NPEPPS: variants seen among roughly 807,000 people sequenced by gnomAD.
NPEPPS encodes the protein aminopeptidase puromycin sensitive, also known as puromycin-sensitive aminopeptidase.
NPEPPS carries 14 observed loss-of-function variants against 115.5 expected under a neutral mutation model. That is an observed-to-expected ratio of 0.12 (90% confidence interval 0.08 to 0.19). NPEPPS has a LOEUF of 0.19. Among genes scored for constraint, NPEPPS ranks in the 10% least tolerant of loss-of-function variants. The probability of loss-of-function intolerance (pLI) is 1.00; values close to 1 mark genes in which losing one functional copy is unlikely to be tolerated. For missense variants in NPEPPS, 523 were observed against 1,110.8 expected (o/e 0.47, Z 7.52); for synonymous variants, 285 against 390.6 (o/e 0.73, Z 3.19).
chr17:47,539,369 A>G (rs1908587907), intron 1 of NPEPPS, among the ~76,000 whole-genome samples: 2 of 152,182 alleles, frequency 1.3e-5, no homozygotes, highest in South Asian at 2.1e-4. Context: ...TGAACACCAT[A>G]CAAGTATGTG....
chr17:47,559,674 G>C (rs1266698243), intron 2 of NPEPPS: 4 of 455,104 alleles, frequency 8.8e-6, no homozygotes, highest in African/African-American at 6.0e-5. Flanking sequence ...TTTTCTTCTT[G>C]TTCATCTTTC....
intron 2 of NPEPPS, among the ~76,000 whole-genome samples, chr17:47,547,820 A>G (rs1183830539): frequency 6.6e-6 from 1 of 152,072 alleles, no homozygotes; most frequent in Non-Finnish European, 1.5e-5. Flanking sequence ...AGGTCAGGAG[A>G]TCGAGACCAT....
chr17:47,615,681 A>AT (rs1265013708), intron 19 of NPEPPS, among the ~76,000 whole-genome samples: 1 of 152,270 alleles, frequency 6.6e-6, no homozygotes, highest in East Asian at 1.9e-4. Context: ...GGGATATTTG[A>AT]TTTTTTTCCA....
At chr17:47,536,462 G>A (rs112207728) in intron 1 of NPEPPS, among the ~76,000 whole-genome samples, 1,780 of 144,394 alleles carry the variant, frequency 0.012, 16 homozygotes, top group Non-Finnish European at 0.02. Flanking sequence ...GCATGATCTC[G>A]GCTCACCGCA....
intron 2 of NPEPPS, among the ~76,000 whole-genome samples, chr17:47,556,073 C>CTTTT (rs747406184): frequency 5.0e-5 from 4 of 80,730 alleles, no homozygotes; most frequent in Admixed American, 1.3e-4. Context: ...AAGCAATTCT[C>CTTTT]TTTTTTTTTT....
intron 1 of NPEPPS, among the ~76,000 whole-genome samples, chr17:47,536,704 CTT>C (rs572115219): frequency 1.1e-3 from 82 of 76,828 alleles, no homozygotes; most frequent in South Asian, 1.8e-3. Flanking sequence ...TGCCTGGCTT[CTT>C]TTTTTTTTTT....
intron 14 of NPEPPS, among the ~76,000 whole-genome samples, chr17:47,600,496 G>A (rs960725532): frequency 3.3e-5 from 5 of 152,132 alleles, no homozygotes; most frequent in Admixed American, 6.5e-5. Context: ...AAATCTGTAC[G>A]TGTCACAGTT....
chr17:47,540,983 A>G (rs1908712850), intron 1 of NPEPPS, among the ~76,000 whole-genome samples: 1 of 152,194 alleles, frequency 6.6e-6, no homozygotes, highest in Non-Finnish European at 1.5e-5. Context: ...ATTAGTAACA[A>G]TTCAAGAAAC....
intron 19 of NPEPPS, among the ~76,000 whole-genome samples, chr17:47,617,826 A>G (rs753857331): frequency 2.5e-4 from 38 of 152,138 alleles, no homozygotes; most frequent in Non-Finnish European, 3.7e-4. Flanking sequence ...ATTTACATCT[A>G]GTGATTTACT....
At chr17:47,559,340 C>A (rs999218402) in intron 2 of NPEPPS, among the ~76,000 whole-genome samples, 1 of 152,082 alleles carries the variant, frequency 6.6e-6, no homozygotes, top group African/African-American at 2.4e-5. Context: ...CTGTGCCTGG[C>A]CTGTTTTTTC....
At chr17:47,545,011 T>C (rs1417265167) in intron 1 of NPEPPS, among the ~76,000 whole-genome samples, 2 of 150,690 alleles carry the variant, frequency 1.3e-5, no homozygotes, top group African/African-American at 4.9e-5. Context: ...AGCCTATTTT[T>C]ATTTTTTGAG....
chr17:47,603,765 TG>T (rs988139278), intron 15 of NPEPPS, 149 bp from the exon 16 acceptor site: 1 of 600,610 alleles, frequency 1.7e-6, no homozygotes, highest in Admixed American at 3.3e-5. Context: ...CTTGATGTGT[TG>T]TCTTGTTTTA....
At chr17:47,575,943 A>G (rs943252231) in intron 3 of NPEPPS, among the ~76,000 whole-genome samples, 4 of 152,128 alleles carry the variant, frequency 2.6e-5, no homozygotes, top group African/African-American at 9.7e-5. Context: ...GTTTGAAATC[A>G]TTGGCTTTCA....
intron 1 of NPEPPS, among the ~76,000 whole-genome samples, chr17:47,545,688 A>G (rs1302238525): frequency 6.6e-6 from 1 of 151,944 alleles, no homozygotes. Context: ...AGCTGGGACT[A>G]TAGGCACACA....
intron 2 of NPEPPS, among the ~76,000 whole-genome samples, chr17:47,556,058 G>C (rs1365349224): frequency 4.8e-5 from 7 of 144,864 alleles, no homozygotes; most frequent in Non-Finnish European, 1.1e-4. Context: ...CTGCCTCCCG[G>C]GTTCAAGCAA....
At chr17:47,617,364 C>A (rs1914271044) in intron 19 of NPEPPS, among the ~76,000 whole-genome samples, 1 of 151,944 alleles carries the variant, frequency 6.6e-6, no homozygotes, top group Non-Finnish European at 1.5e-5. Context: ...TCTCCCCCAC[C>A]CCCTTTTTTT....
chr17:47,588,438 C>T (rs1912318560), intron 9 of NPEPPS, among the ~76,000 whole-genome samples: 1 of 151,870 alleles, frequency 6.6e-6, no homozygotes, highest in Non-Finnish European at 1.5e-5. Flanking sequence ...GTGGTGTGCG[C>T]CTGTAATCCT....
chr17:47,596,557 A>G (rs1224792570), intron 13 of NPEPPS, 95 bp downstream of exon 13: 4 of 652,514 alleles, frequency 6.1e-6, no homozygotes, highest in Non-Finnish European at 7.5e-6. Flanking sequence ...TAAGTTTTCT[A>G]GTGACATTTA....
chr17:47,548,418 T>C lies in NPEPPS; in HGVS notation c.340+2425T>C, dbSNP rs527564798. The C allele has an allele frequency of 1.2e-3, 183 of 152,060 alleles. 1 individual carries two copies. The highest frequency in any genetic ancestry group is 4.2e-3 in the African/African-American group (175 of 41,510). The allele number at this position is 152,060 out of a possible 1,614,324, so 9.4% of individuals were successfully genotyped here. ...TATATCAAAGCAACAAGGCTTTCTTTGTTGCAGGTAGAGAATGTTTAAATT... is the reference window on the plus strand; with the variant it reads ...TATATCAAAGCAACAAGGCTTTCTTCGTTGCAGGTAGAGAATGTTTAAATT... On this transcript the variant is annotated intron_variant, in intron 2 of 22. Transcript: ENST00000322157.
Sources: allele counts gnomAD v4.1 joint callset (sites outside exome capture counted in the v4.1 genomes callset), GRCh38; gene constraint gnomAD v4.1.1; transcripts MANE v1.5; gene names NCBI Gene and HGNC (gene_info 2026-07-23, HGNC 2026-07-21).